MAMLD1: variants seen among roughly 807,000 people sequenced by gnomAD.
MAMLD1 encodes mastermind like domain containing 1.
A neutral mutation model predicts 45.0 loss-of-function variants in MAMLD1; 14 were observed. The ratio of observed to expected loss-of-function variants is 0.31; its 90% CI spans 0.21 to 0.49. The LOEUF (loss-of-function observed/expected upper bound fraction) is 0.49. Among genes scored for constraint, MAMLD1 ranks in the 20% least tolerant of loss-of-function variants. MAMLD1 has a pLI of 0.99. For synonymous variants in MAMLD1, 254 were observed against 247.8 expected (o/e 1.02, Z -0.24); for missense variants, 543 against 603.6 (o/e 0.90, Z 1.05).
chrX:150,417,242 G>A (rs1188944061), intron 1 of MAMLD1, among the ~76,000 whole-genome samples: 1 of 105,726 alleles, frequency 9.5e-6, no homozygotes, highest in East Asian at 3.0e-4. Flanking sequence ...TCCCACCTAT[G>A]AGTGAGAATA....
chrX:150,494,914 CA>C lies in MAMLD1; in HGVS notation c.2041-8355del, dbSNP rs782621243. Among the ~76,000 whole-genome samples, 5 of 107,325 alleles carry C rather than the reference CA, an allele frequency of 4.7e-5. No homozygotes were observed. In the Middle Eastern group the frequency reaches 0.021, roughly 443 times the overall value. 93.2% of individuals were successfully genotyped at this position (107,325 alleles called of 115,157 possible). ...CAAAACAAACAAACAAACAAACAAA[CA>C]AAAACCTTGGCCGGGTGTGGTGGCT... On this transcript the variant is annotated intron_variant, in intron 5 of 7. Coordinates refer to ENST00000370401, the MANE Select transcript of MAMLD1 (RefSeq NM_005491.5).
At chrX:150,490,440 G>C (rs1370847045) in intron 5 of MAMLD1, among the ~76,000 whole-genome samples, 1 of 112,416 alleles carries the variant, frequency 8.9e-6, no homozygotes, top group African/African-American at 3.2e-5. Context: ...GCATTTGGAA[G>C]AACTTTAAAA....
At chrX:150,369,903 G>A (rs1474705678) in intron 1 of MAMLD1, among the ~76,000 whole-genome samples, 3 of 108,687 alleles carry the variant, frequency 2.8e-5, no homozygotes, top group African/African-American at 1.0e-4. Flanking sequence ...GTAAGAACCT[G>A]CTGCTGTCCT....
At chrX:150,472,311 A>G (rs2036453924) in intron 4 of MAMLD1, among the ~76,000 whole-genome samples, 1 of 112,292 alleles carries the variant, frequency 8.9e-6, no homozygotes, top group Non-Finnish European at 1.9e-5. Context: ...TGCATAACAA[A>G]TTACCCCAAG....
At chrX:150,377,079 C>T (rs995243156) in intron 1 of MAMLD1, among the ~76,000 whole-genome samples, 17 of 113,292 alleles carry the variant, frequency 1.5e-4, no homozygotes, top group African/African-American at 5.4e-4. Context: ...CATTCCCGAA[C>T]AGCCACCAAC....
intron 1 of MAMLD1, among the ~76,000 whole-genome samples, chrX:150,398,317 GAAGAAGAAGA>G (rs2033566990): frequency 1.0e-5 from 1 of 97,421 alleles, no homozygotes; most frequent in Non-Finnish European, 2.1e-5. Flanking sequence ...AGAAGAAGAA[GAAGAAGAAGA>G]AGAAGAAGAA....
At chrX:150,502,213 T>C (rs2037576935) in intron 5 of MAMLD1, among the ~76,000 whole-genome samples, 1 of 113,061 alleles carries the variant, frequency 8.8e-6, no homozygotes. Flanking sequence ...AGTAAGTGTT[T>C]ATTGCAATAA....
chrX:150,469,653 C>CTGTGTGTGTG lies in MAMLD1; in HGVS notation c.172-91_172-90insGTGTGTGTGT, dbSNP rs1557406178. On this transcript the variant is annotated intron_variant, in intron 3 of 7. Transcript: ENST00000370401. ...TCTCTCTGTCTCTCTCTCTCTCTCT[C>CTGTGTGTGTG]TCTGTGTGTGTGTGTGTGTGTGTGT... The CTGTGTGTGTG allele has an allele frequency of 2.2e-4, 108 of 483,031 alleles. 1 individual carries two copies. In the African/African-American group the frequency reaches 3.0e-3, roughly 13 times the overall value. The allele number at this position is 483,031 out of a possible 1,213,427, so 39.8% of individuals were successfully genotyped here.
intron 1 of MAMLD1, 104 bp from the exon 2 acceptor site, chrX:150,445,350 G>T (rs1483071261): frequency 6.3e-6 from 3 of 473,466 alleles, no homozygotes; most frequent in Admixed American, 2.9e-5. Context: ...AAGGAATGTG[G>T]CTGACTCCAC....
intron 1 of MAMLD1, among the ~76,000 whole-genome samples, chrX:150,369,159 A>AT (rs782230596): frequency 0.092 from 9,509 of 103,425 alleles, 392 homozygotes; most frequent in African/African-American, 0.11. Flanking sequence ...TAAGATTCTG[A>AT]TTTTTTTTTT....
chrX:150,370,649 A>G (rs1293675657), intron 1 of MAMLD1, among the ~76,000 whole-genome samples: 2 of 111,398 alleles, frequency 1.8e-5, no homozygotes, highest in East Asian at 5.7e-4. Flanking sequence ...AGAGGTGGAG[A>G]CAGAAGCAAA....
chrX:150,441,002 A>G (rs2124591644), intron 1 of MAMLD1, among the ~76,000 whole-genome samples: 1 of 104,971 alleles, frequency 9.5e-6, no homozygotes, highest in East Asian at 2.8e-4. Context: ...AATATTTAAT[A>G]TAAATATTAA....
rs1174092962 is a variant in MAMLD1 at position 150,430,019 on chromosome X, C to CTTTTTTTTTTTTTTTTTTT, written c.-63-15429_-63-15411dup. Among the ~76,000 whole-genome samples, 58 of 49,218 alleles carry CTTTTTTTTTTTTTTTTTTT rather than the reference C, an allele frequency of 1.2e-3. 1 individual carries two copies. The highest frequency in any genetic ancestry group is 1.6e-3 in the East Asian group (2 of 1,226). The allele number at this position is 49,218 out of a possible 115,157, so 42.7% of individuals were successfully genotyped here. On this transcript the variant is annotated intron_variant, in intron 1 of 7. Transcript: ENST00000370401. ...CCATTTTCTTTTCTTTCTTTCTTTT[C>CTTTTTTTTTTTTTTTTTTT]TTTTTTTTTTTTTTTTTTTTTTTTG... is the stretch of plus-strand genomic sequence containing the variant.
rs2148373482 is a variant in MAMLD1, at chrX:150,513,287, T to C, written c.*1328T>C. 1 of 401,146 alleles carries C rather than the reference T, an allele frequency of 2.5e-6. No individual in the cohort carries two copies. The highest frequency in any genetic ancestry group is 4.3e-6 in the Non-Finnish European group (1 of 234,001). The allele number at this position is 401,146 out of a possible 1,213,427, so 33.1% of individuals were successfully genotyped here. On this transcript the variant is annotated 3_prime_UTR_variant, in exon 8 of 8. Transcript: ENST00000370401. Reference sequence around the variant, plus strand: ...TGTAAATGGTTTTCCTAAACATTAATGACAGAAGTATTTATACTTCATTTT... The same window carrying C: ...TGTAAATGGTTTTCCTAAACATTAACGACAGAAGTATTTATACTTCATTTT...
chrX:150,458,395 T>G (rs1557405452), intron 2 of MAMLD1, among the ~76,000 whole-genome samples: 2 of 111,721 alleles, frequency 1.8e-5, no homozygotes, highest in Non-Finnish European at 3.8e-5. Context: ...TGTTGCCATT[T>G]TATTTAGCCT....
rs1666520078 is a variant in MAMLD1 at position 150,404,773 on chromosome X, G to A, written c.-63-40681G>A. Among the ~76,000 whole-genome samples, 4 of 112,038 alleles carry A rather than the reference G, an allele frequency of 3.6e-5. No homozygotes were observed. The South Asian group carries it at 1.1e-3, about 32-fold the overall frequency. ...TGTATAAATGCAACCATAGAATAGG[G>A]AATCCTTTATGCCTGGTTTCTTTCA... On this transcript the variant is annotated intron_variant, in intron 1 of 7. Transcript: ENST00000370401.
At chrX:150,399,729 C>T (rs890936399) in intron 1 of MAMLD1, among the ~76,000 whole-genome samples, 4 of 111,635 alleles carry the variant, frequency 3.6e-5, no homozygotes, top group Admixed American at 9.4e-5. Context: ...TCAGAGCCTC[C>T]AGAAGGAATC....
chrX:150,460,914 C>A (rs1015717445), intron 2 of MAMLD1, among the ~76,000 whole-genome samples: 4 of 112,247 alleles, frequency 3.6e-5, no homozygotes, highest in Non-Finnish European at 7.5e-5. Context: ...TATCCCATTC[C>A]TAATCCCATC....
At chrX:150,496,220 G>A (rs2037373389) in intron 5 of MAMLD1, among the ~76,000 whole-genome samples, 1 of 112,707 alleles carries the variant, frequency 8.9e-6, no homozygotes, top group Admixed American at 9.3e-5. Context: ...TGGGAAGGCA[G>A]GTGGGGGTTG....
Sources: gnomAD v4.1 joint callset for allele counts (sites outside exome capture counted in the v4.1 genomes callset) on GRCh38, gnomAD v4.1.1 for gene constraint, MANE v1.5 for transcripts, NCBI Gene and HGNC (gene_info 2026-07-23, HGNC 2026-07-21) for gene names.